GIGYF1: variants seen among roughly 807,000 people sequenced by gnomAD.
The protein encoded by GIGYF1 is GRB10 interacting GYF protein 1, also known as GRB10-interacting GYF protein 1.
In GIGYF1, 84 loss-of-function variants were observed where a neutral mutation model predicts 147.1. That is an observed-to-expected ratio of 0.57 (90% CI 0.48 to 0.68). The LOEUF (loss-of-function observed/expected upper bound fraction) is 0.68, where lower values mean the gene tolerates loss of function less well. Among genes scored for constraint, GIGYF1 ranks in the 30% least tolerant of loss-of-function variants. GIGYF1 has a pLI of 0.00. For synonymous variants in GIGYF1, 752 were observed against 589.5 expected (o/e 1.28, Z -3.99); for missense variants, 1,485 against 1,393.7 (o/e 1.07, Z -1.04).
rs1805587663 is a variant in GIGYF1, at chr7:100,688,503, G to C, written c.-122C>G. ...CATGAGTTACCCAGAGATGAGTCCA[G>C]ACGGTGAAAGACCTGGGGGAGGCGA... On this transcript the variant is annotated 5_prime_UTR_variant, in exon 3 of 27. Transcript: ENST00000678049. The C allele has an allele frequency of 2.9e-6, 2 of 680,356 alleles. No homozygotes were observed. Among genetic ancestry groups the C allele is most frequent in the Admixed American group, 2.0e-5 (1 of 49,224 alleles). The allele number at this position is 680,356 out of a possible 1,614,324, so 42.1% of individuals were successfully genotyped here. A position where few individuals can be genotyped will look rare whatever the true frequency, so the allele number is the denominator to read the frequency against.
Position 100,683,862 on chromosome 7 carries a change from G to C in GIGYF1, c.1925C>G (p.Ser642Trp), listed in dbSNP as rs773745903. Residue 642 changes from serine (S) to tryptophan (W), a missense_variant, in exon 19 of 27, where the codon TCG (serine) becomes TGG (tryptophan). Ser to Trp is a radical substitution (Grantham distance 177). Coordinates refer to ENST00000678049, the MANE Select transcript of GIGYF1 (RefSeq NM_001375765.1). Reference protein sequence around the residue: ...TMSRSLSVPDSGRLWDVHTSA... With the variant: ...TMSRSLSVPDWGRLWDVHTSA... ...GGTATGTACGTCCCAGAGGCGGCCC[G>C]AATCTGGCACCGACAAGGACCGGCT... 3 of 1,563,424 alleles carry C rather than the reference G, an allele frequency of 1.9e-6. No individual in the cohort carries two copies. The highest frequency in any genetic ancestry group is 1.9e-5 in the Admixed American group (1 of 51,706).
chr7:100,683,119 G>A lies in GIGYF1; in HGVS notation c.2305C>T (p.Leu769=), dbSNP rs1584491617. The A allele has an allele frequency of 6.3e-7, 1 of 1,593,716 alleles. No homozygotes were observed. The highest frequency in any genetic ancestry group is 8.5e-7 in the Non-Finnish European group (1 of 1,174,652). The change falls in exon 22 of 27, where the codon CTG becomes TTG. Residue 769 remains leucine, a synonymous_variant. Coordinates refer to ENST00000678049, the MANE Select transcript of GIGYF1 (RefSeq NM_001375765.1). ...AACTCCAGGAGCGTCTTCATGGACA[G>A]CCCCTGCTTGGCCAGGCCAGCCCAG... The part of the protein sequence containing the change: ...PLWAGLAKQG[L]SMKTLLELQL...
rs1562872805 is a variant in GIGYF1, at chr7:100,683,647, G to A, written c.1970-15C>T. On this transcript the variant is annotated splice_polypyrimidine_tract_variant and intron_variant, in intron 19 of 26. Transcript: ENST00000678049. ...GGCCTCACCACCTGCAGGGGGCAGG[G>A]GGGCAGAGGCGGCTGCAGGTGGGCA... 3 of 1,612,776 alleles carry A rather than the reference G, an allele frequency of 1.9e-6. No individual in the cohort carries two copies. The South Asian group carries it at 3.3e-5, about 18-fold the overall frequency.
In GIGYF1 at chr7:100,680,659, G is replaced by T. The variant is rs221790; in HGVS notation, c.*1060C>A. 1 of 152,382 alleles carries T rather than the reference G, an allele frequency of 6.6e-6. No individual in the cohort carries two copies. Among genetic ancestry groups the T allele is most frequent in the Admixed American group, 6.5e-5 (1 of 15,284 alleles). The allele number at this position is 152,382 out of a possible 1,614,324, so 9.4% of individuals were successfully genotyped here. A position where few individuals can be genotyped will look rare whatever the true frequency, so the allele number is the denominator to read the frequency against. On this transcript the variant is annotated 3_prime_UTR_variant, in exon 27 of 27. Transcript: ENST00000678049. ...GGCCCCGGGCGGCAGCCCCTCTACTGCAACCCTAAGCCCAAAGCCACCCAC... is the reference window on the plus strand; with the variant it reads ...GGCCCCGGGCGGCAGCCCCTCTACTTCAACCCTAAGCCCAAAGCCACCCAC...
At position 100,682,646 on chromosome 7, in the gene GIGYF1, G is replaced by A. The variant is rs774505913; in HGVS notation, c.2544C>T (p.Gly848=). The A allele has an allele frequency of 4.4e-6, 7 of 1,603,906 alleles. No individual in the cohort carries two copies. Among genetic ancestry groups the A allele is most frequent in the South Asian group, 2.2e-5 (2 of 90,318 alleles). The change falls in exon 23 of 27, where the codon GGC becomes GGT. Residue 848 remains glycine (G), a synonymous_variant. Coordinates refer to ENST00000678049, the MANE Select transcript of GIGYF1 (RefSeq NM_001375765.1). The part of the protein sequence containing the change: ...LGLWEDTPKS[G]GSLVRGLGLK... ...GGCCGAGGCCACGGACCAGGCTCCC[G>A]CCGCTCTTGGGGGTGTCCTCCCAGA...
Position 100,682,147 on chromosome 7 carries a change from T to C in GIGYF1, c.2850A>G (p.Glu950=), listed in dbSNP as rs1242917021. ...YIRSCLGDTL[E]AKEFAKQFLE... ...GGAATTGTTTGGCAAATTCTTTGGC[T>C]TCCAGCGTGTCCCCCAGGCAGGAAC... The change falls in exon 25 of 27, where the codon GAA becomes GAG. Residue 950 remains glutamate, a synonymous_variant. Coordinates refer to ENST00000678049, the MANE Select transcript of GIGYF1 (RefSeq NM_001375765.1). 1 of 1,614,054 alleles carries C rather than the reference T, an allele frequency of 6.2e-7. No individual in the cohort carries two copies. The highest frequency in any genetic ancestry group is 1.7e-5 in the Admixed American group (1 of 60,030).
At position 100,682,712 on chromosome 7, in the gene GIGYF1, G is replaced by A. The variant is rs779548243; in HGVS notation, c.2478C>T (p.Gly826=). The change falls in exon 23 of 27, where the codon GGC becomes GGT. Residue 826 remains glycine, a synonymous_variant. Coordinates refer to ENST00000678049, the MANE Select transcript of GIGYF1 (RefSeq NM_001375765.1). ...QWVSEAGPLW[G]GPDKSGGGSS... ...TGCCGCCCCCACTCTTGTCTGGCCC[G>A]CCCCACAGTGGCCCAGCCTCAGACA... 4.5e-5 allele frequency: 71 copies of A among 1,580,042 alleles called. No individual in the cohort carries two copies. Among genetic ancestry groups the A allele is most frequent in the African/African-American group, 1.1e-4 (8 of 73,980 alleles).
At chr7:100,688,351 A>C (rs221797) in intron 3 of GIGYF1, 44 bp from the exon 4 acceptor site, 838,540 of 933,540 alleles carry the variant, frequency 0.9, 377,485 homozygotes, top group African/African-American at 0.98. Flanking sequence ...ACGAAGGAGA[A>C]CTTTAAAGCG....
At chr7:100,692,474 C>T (rs146199943) in intron 1 of GIGYF1, among the ~76,000 whole-genome samples, 1 of 152,356 alleles carries the variant, frequency 6.6e-6, no homozygotes, top group Non-Finnish European at 1.5e-5. Flanking sequence ...CCATCCCAAA[C>T]TCGCAAGCAT....
intron 12 of GIGYF1, 88 bp downstream of exon 12, chr7:100,685,886 G>GCTAC: frequency 9.5e-7 from 1 of 1,047,736 alleles, no homozygotes. Flanking sequence ...GATTCTACAG[G>GCTAC]TAGGTGGGCA....
intron 18 of GIGYF1, 47 bp from the exon 19 acceptor site, chr7:100,683,965 T>C (rs2131374476): frequency 6.4e-7 from 1 of 1,571,744 alleles, no homozygotes. Context: ...CCATCTCTGG[T>C]CTGCCCCCAT....
Position 100,682,029 on chromosome 7 carries a change from C to A in GIGYF1, c.2926-36G>T, listed in dbSNP as rs536912229. 76 of 1,610,464 alleles carry A rather than the reference C, an allele frequency of 4.7e-5. No individual in the cohort carries two copies. In the South Asian group the frequency reaches 8.1e-4, roughly 17 times the overall value. ...GGAGAGGAGGGTGAAGGTCAGGAGGCACCAGGCAAGCCCACCCCAGCTGCT... is the reference window on the plus strand; with the variant it reads ...GGAGAGGAGGGTGAAGGTCAGGAGGAACCAGGCAAGCCCACCCCAGCTGCT... On this transcript the variant is annotated intron_variant, in intron 25 of 26. Coordinates refer to ENST00000678049, the MANE Select transcript of GIGYF1 (RefSeq NM_001375765.1).
At chr7:100,686,884 C>T (rs1805401592) in intron 9 of GIGYF1, 65 bp from the exon 10 acceptor site, 10 of 1,475,000 alleles carry the variant, frequency 6.8e-6, no homozygotes, top group African/African-American at 2.8e-5. Context: ...CCTCAAGAAA[C>T]GTTGGGGGGG....
At position 100,687,366 on chromosome 7, in the gene GIGYF1, G is replaced by C. The variant is rs754127811; in HGVS notation, c.414C>G (p.Ile138Met). 6.2e-7 allele frequency: 1 copy of C among 1,613,394 alleles called. No individual in the cohort carries two copies. Among genetic ancestry groups the C allele is most frequent in the Non-Finnish European group, 8.5e-7 (1 of 1,179,972 alleles). The change falls in exon 8 of 27, where the codon ATC (isoleucine) becomes ATG (methionine). Residue 138 changes from isoleucine (I) to methionine (M), a missense_variant. By Grantham distance (10) the Ile-to-Met change is conservative (BLOSUM62 1). Coordinates refer to ENST00000678049, the MANE Select transcript of GIGYF1 (RefSeq NM_001375765.1). ...GTCCAAAGGCCCCATCGCCTTCTTC[G>C]ATGCTTCTTTGGTAAAAGCAGCTGT... ...RGDSCFYQRS[I>M]EEGDGAFGRS...
intron 13 of GIGYF1, 24 bp downstream of exon 13, chr7:100,685,320 A>AG: frequency 6.3e-7 from 1 of 1,574,972 alleles, no homozygotes. Flanking sequence ...CGCACCCGGG[A>AG]GGTAGGCCAT....
chr7:100,684,731 T>G lies in GIGYF1; in HGVS notation c.1454A>C (p.Glu485Ala), dbSNP rs1805147447. 2 of 1,611,850 alleles carry G rather than the reference T, an allele frequency of 1.2e-6. No homozygotes were observed. The highest frequency in any genetic ancestry group is 1.7e-6 in the Non-Finnish European group (2 of 1,178,938). ...RKWFYKDPQG[E>A]IQGPFTTQEM... ...CCATCCCACACAGGTACCTTGGATC[T>G]CGCCCTGTGGGTCCTTGTAGAACCA... The change falls in exon 15 of 27, where the codon GAG becomes GCG. Residue 485 changes from glutamate to alanine, a missense_variant. Physicochemically the swap from Glu to Ala is moderately radical, Grantham distance 107. Transcript: ENST00000678049.
At chr7:100,684,424 C>T in intron 16 of GIGYF1, 26 bp downstream of exon 16, 1 of 1,611,052 alleles carries the variant, frequency 6.2e-7, no homozygotes, top group Non-Finnish European at 8.5e-7. Flanking sequence ...CACCCTGTCC[C>T]TCCATGCAGG....
At position 100,680,195 on chromosome 7, in the gene GIGYF1, A is replaced by ATC. The variant is rs1804598757; in HGVS notation, c.*1523_*1524insGA. The ATC allele has an allele frequency of 5.7e-4, 83 of 144,908 alleles. 1 individual carries two copies. The highest frequency in any genetic ancestry group is 1.3e-3 in the Admixed American group (19 of 14,654). 9.0% of individuals were successfully genotyped at this position (144,908 alleles called of 1,614,324 possible). A position where few individuals can be genotyped will look rare whatever the true frequency, so the allele number is the denominator to read the frequency against. Reference sequence around the variant, plus strand: ...AAAAAAAAAAAAAAAAAAAAATCCAACAACAGAAAACCAAACACCATCTTT... The same window carrying ATC: ...AAAAAAAAAAAAAAAAAAAAATCCAATCCAACAGAAAACCAAACACCATCTTT... On this transcript the variant is annotated 3_prime_UTR_variant, in exon 27 of 27. Transcript: ENST00000678049.
At chr7:100,686,569 C>G in intron 10 of GIGYF1, 80 bp downstream of exon 10, 3 of 1,533,626 alleles carry the variant, frequency 2.0e-6, no homozygotes, top group Non-Finnish European at 8.8e-7. Context: ...GCTCCCTCCC[C>G]GTGGCTACAG....
Sources: gnomAD v4.1 joint callset for allele counts (sites outside exome capture counted in the v4.1 genomes callset) on GRCh38, gnomAD v4.1.1 for gene constraint, MANE v1.5 for transcripts, NCBI Gene and HGNC (gene_info 2026-07-23, HGNC 2026-07-21) for gene names.